The following IKZF1 variants were observed in gnomAD, a reference collection of about 807,000 sequenced individuals.
The protein encoded by IKZF1 is DNA-binding protein Ikaros.
In IKZF1, 10 loss-of-function variants were observed where a neutral mutation model predicts 51.7. The observed-to-expected ratio is 0.19, with a 90% CI of 0.12 to 0.33. The LOEUF (loss-of-function observed/expected upper bound fraction) is 0.33. Ranked by LOEUF, IKZF1 falls within the 10% of genes least tolerant of loss-of-function variation. The probability of loss-of-function intolerance (pLI) is 1.00; values close to 1 mark genes in which losing one functional copy is unlikely to be tolerated. For synonymous variants in IKZF1, 280 were observed against 282.3 expected (o/e 0.99, Z 0.08); for missense variants, 484 against 707.5 (o/e 0.68, Z 3.58).
At chr7:50,342,624 G>A (rs1276968940) in intron 3 of IKZF1, among the ~76,000 whole-genome samples, 3 of 151,718 alleles carry the variant, frequency 2.0e-5, no homozygotes, top group Non-Finnish European at 2.9e-5. Context: ...TAAAGCAACC[G>A]AGGAGAGGTG....
At chr7:50,347,496 G>A (rs1171685325) in intron 3 of IKZF1, among the ~76,000 whole-genome samples, 2 of 152,116 alleles carry the variant, frequency 1.3e-5, no homozygotes, top group East Asian at 1.9e-4. Context: ...AAGTTTTTGC[G>A]AGTTGCCTAA....
intron 3 of IKZF1, among the ~76,000 whole-genome samples, chr7:50,366,305 T>C (rs1407180067): frequency 6.6e-6 from 1 of 152,230 alleles, no homozygotes; most frequent in Non-Finnish European, 1.5e-5. Context: ...GTATTCTTCA[T>C]ATTCAATGGC....
chr7:50,337,308 G>A (rs1798027061), intron 3 of IKZF1, among the ~76,000 whole-genome samples: 1 of 152,156 alleles, frequency 6.6e-6, no homozygotes, highest in Non-Finnish European at 1.5e-5. Context: ...AGAATAGAAA[G>A]GATTAAAATC....
rs1815177775 is a variant in IKZF1 at position 50,391,882 on chromosome 7, C to T, written c.850+19C>T. 6.2e-7 allele frequency: 1 copy of T among 1,600,132 alleles called. No homozygotes were observed. On this transcript the variant is annotated intron_variant, in intron 7 of 7. Transcript: ENST00000331340. ...TTTCTTGGTAAGAGTTAAATGTTTG[C>T]TGTCTCTTAAAAAAAAACTATGTGG...
intron 3 of IKZF1, among the ~76,000 whole-genome samples, chr7:50,356,853 C>T (rs1048270524): frequency 7.2e-5 from 11 of 152,066 alleles, no homozygotes; most frequent in African/African-American, 2.7e-4. Context: ...GCCCTACCTC[C>T]TGGAGACCAG....
intron 3 of IKZF1, among the ~76,000 whole-genome samples, chr7:50,352,083 A>G (rs1002093165): frequency 2.0e-5 from 3 of 152,222 alleles, no homozygotes; most frequent in East Asian, 3.8e-4. Flanking sequence ...TGTTGCCTCC[A>G]ATGCAGCAGA....
At chr7:50,387,211 T>G in intron 5 of IKZF1, 134 bp from the exon 6 acceptor site, 1 of 1,270,552 alleles carries the variant, frequency 7.9e-7, no homozygotes, top group Non-Finnish European at 1.0e-6. Flanking sequence ...TTTCACCAAG[T>G]CCGTAACAGT....
At chr7:50,359,187 A>G (rs1348866728) in intron 3 of IKZF1, among the ~76,000 whole-genome samples, 2 of 152,166 alleles carry the variant, frequency 1.3e-5, no homozygotes, top group African/African-American at 4.8e-5. Context: ...CTTGAGCCCA[A>G]GAGGTCAAGA....
intron 3 of IKZF1, among the ~76,000 whole-genome samples, chr7:50,336,476 G>A (rs1451295226): frequency 6.6e-6 from 1 of 152,160 alleles, no homozygotes; most frequent in African/African-American, 2.4e-5. Flanking sequence ...TAAAGGGTGT[G>A]GTGCTGGAAA....
rs966084027 is a variant in IKZF1, at chr7:50,333,705, T to C, written c.160+5948T>C. ...TTTTCAAGTTTTCTTTTCTTTCTTC[T>C]TTGAGGAATAACTGAAAGCATATTA... On this transcript the variant is annotated intron_variant, in intron 3 of 7. Coordinates refer to ENST00000331340, the MANE Select transcript of IKZF1 (RefSeq NM_006060.6). 7.2e-5 allele frequency among the ~76,000 whole-genome samples: 11 copies of C among 152,332 alleles called. No homozygotes were observed. In the South Asian group the frequency reaches 2.3e-3, roughly 32 times the overall value.
At chr7:50,362,128 C>T (rs1805438617) in intron 3 of IKZF1, among the ~76,000 whole-genome samples, 1 of 152,220 alleles carries the variant, frequency 6.6e-6, no homozygotes, top group South Asian at 2.1e-4. Flanking sequence ...TCCTAATCTT[C>T]TGTCAAGTTC....
At chr7:50,352,665 G>A (rs957202468) in intron 3 of IKZF1, among the ~76,000 whole-genome samples, 2 of 152,210 alleles carry the variant, frequency 1.3e-5, no homozygotes, top group African/African-American at 4.8e-5. Context: ...TGAGACCAAA[G>A]CGGTGACATT....
At chr7:50,372,415 C>T (rs975025226) in intron 3 of IKZF1, among the ~76,000 whole-genome samples, 8 of 152,236 alleles carry the variant, frequency 5.3e-5, no homozygotes, top group African/African-American at 1.7e-4. Flanking sequence ...CAACCTTTCC[C>T]GTCATAACAT....
chr7:50,362,402 C>G (rs532488623), intron 3 of IKZF1, among the ~76,000 whole-genome samples: 1 of 152,194 alleles, frequency 6.6e-6, no homozygotes, highest in Non-Finnish European at 1.5e-5. Context: ...GCACTGAAGG[C>G]GTTTTCCTGC....
Position 50,399,920 on chromosome 7 carries a change from G to A in IKZF1, c.853G>A (p.Asp285Asn). 6.2e-7 allele frequency: 1 copy of A among 1,611,280 alleles called. No homozygotes were observed. Among genetic ancestry groups the A allele is most frequent in the South Asian group, 1.1e-5 (1 of 90,348 alleles). Residue 285 changes from aspartate to asparagine, a missense_variant and splice_region_variant, in exon 8 of 8, where the codon GAC becomes AAC. By Grantham distance (23) the Asp-to-Asn change is conservative. Transcript: ENST00000331340. ...KSSMPQKFLG[D>N]KGLSDTPYDS... is the part of the protein sequence containing the mutation. ...TCACTGTCGCCTGCTTTCCACAGGG[G>A]ACAAGGGCCTGTCCGACACGCCCTA...
At chr7:50,382,478 G>C (rs2153477051) in intron 4 of IKZF1, 62 bp from the exon 5 acceptor site, 1 of 1,529,328 alleles carries the variant, frequency 6.5e-7, no homozygotes, top group Non-Finnish European at 8.8e-7. Context: ...CTTTCTCGTA[G>C]CATCGTCCTC....
chr7:50,403,540 G>A lies in IKZF1; in HGVS notation c.*2913G>A, dbSNP rs1818491279. On this transcript the variant is annotated 3_prime_UTR_variant, in exon 8 of 8. Coordinates refer to ENST00000331340, the MANE Select transcript of IKZF1 (RefSeq NM_006060.6). ...CCCTGACACCCCAGCTTCCCAGGAT[G>A]TGGAAAGCCTGGATCTCAGCTCCTT... The A allele has an allele frequency of 4.4e-6, 1 of 229,518 alleles. No individual in the cohort carries two copies. Among genetic ancestry groups the A allele is most frequent in the African/African-American group, 2.2e-5 (1 of 45,110 alleles). The allele number at this position is 229,518 out of a possible 1,614,324, so 14.2% of individuals were successfully genotyped here.
At chr7:50,350,528 T>A (rs1218437362) in intron 3 of IKZF1, among the ~76,000 whole-genome samples, 1 of 152,146 alleles carries the variant, frequency 6.6e-6, no homozygotes, top group Non-Finnish European at 1.5e-5. Context: ...GGGTAGAGAA[T>A]CTTGGGGCAG....
intron 1 of IKZF1, among the ~76,000 whole-genome samples, chr7:50,308,142 C>T (rs1414373673): frequency 1.3e-5 from 2 of 151,968 alleles, no homozygotes; most frequent in African/African-American, 4.8e-5. Context: ...ATTATGAAAC[C>T]TTATGAAGTG....
Sources: gnomAD v4.1 joint callset for allele counts (sites outside exome capture counted in the v4.1 genomes callset) on GRCh38, gnomAD v4.1.1 for gene constraint, MANE v1.5 for transcripts, NCBI Gene and HGNC (gene_info 2026-07-23, HGNC 2026-07-21) for gene names.